Variants in LZTR1 observed in about 807,000 individuals in gnomAD.
The protein encoded by LZTR1 is leucine zipper like post translational regulator 1.
LZTR1 carries 260 observed loss-of-function variants against 105.7 expected under a neutral mutation model. That is an observed-to-expected ratio of 2.46 (90% CI 2.22 to 2.72). The LOEUF is 2.72. Among genes scored for constraint, LZTR1 ranks in the 30% most tolerant of loss-of-function variants. The pLI is 0.00. For missense variants in LZTR1, 1,214 were observed against 1,166.9 expected, an observed-to-expected ratio of 1.04 and a Z score of -0.59; for synonymous variants, 490 against 476.4, an observed-to-expected ratio of 1.03 and a Z score of -0.37.
At position 20,998,447 on chromosome 22, in the gene LZTR1, G is replaced by T. The variant is rs974412515; in HGVS notation, c.*1099G>T. The stretch of plus-strand genomic sequence containing the variant: ...CCATGTGGATCCACTCTAGTGCTGG[G>T]AGCCAGCGCTCCCTTACTGGGAACA... On this transcript the variant is annotated 3_prime_UTR_variant, in exon 21 of 21. Coordinates refer to ENST00000646124, the MANE Select transcript of LZTR1 (RefSeq NM_006767.4). 1 of 152,288 alleles carries T rather than the reference G, an allele frequency of 6.6e-6. No homozygotes were observed. The highest frequency in any genetic ancestry group is 1.5e-5 in the Non-Finnish European group (1 of 68,078). The allele number at this position is 152,288 out of a possible 1,614,324, so 9.4% of individuals were successfully genotyped here. A position where few individuals can be genotyped will look rare whatever the true frequency, so the allele number is the denominator to read the frequency against.
chr22:20,988,122 A>G lies in LZTR1; in HGVS notation c.509+4A>G. 3 of 1,590,910 alleles carry G rather than the reference A, an allele frequency of 1.9e-6. No homozygotes were observed. Among genetic ancestry groups the G allele is most frequent in the Non-Finnish European group, 1.7e-6 (2 of 1,159,076 alleles). Reference sequence around the variant, plus strand: ...CGGAGTGGAAAATTGAAGGACGGTGAGAAACTTTGCAGAAACATTTGGGAC... The same window carrying G: ...CGGAGTGGAAAATTGAAGGACGGTGGGAAACTTTGCAGAAACATTTGGGAC... On this transcript the variant is annotated splice_donor_region_variant and intron_variant, in intron 5 of 20. Transcript: ENST00000646124.
chr22:20,988,027 AT>A lies in LZTR1; in HGVS notation c.421del (p.Tyr141IlefsTer6). The A allele has an allele frequency of 6.2e-7, 1 of 1,607,890 alleles. No homozygotes were observed. Among genetic ancestry groups the A allele is most frequent in the East Asian group, 2.2e-5 (1 of 44,850 alleles). On this transcript the variant is annotated frameshift_variant, in exon 5 of 21. Coordinates refer to ENST00000646124, the MANE Select transcript of LZTR1 (RefSeq NM_006767.4). LOFTEE classifies it high-confidence loss of function. Reference sequence around the variant, plus strand: ...TTACTCAGGGGGTTACACTGGGGACATTTATTCCAATTCTAACTTGAAGAAT... The same window carrying A: ...TTACTCAGGGGGTTACACTGGGGACATTATTCCAATTCTAACTTGAAGAAT... Reference protein sequence around the residue: ...MFVFGGYTGDIYSNSNLKNKN... With the variant: ...MFVFGGYTGDXYSNSNLKNKN...
intron 11 of LZTR1, 42 bp from the exon 12 acceptor site, chr22:20,993,620 C>T: frequency 6.4e-7 from 1 of 1,558,838 alleles, no homozygotes; most frequent in South Asian, 1.1e-5. Context: ...TGGGGCCACC[C>T]TGCTGTCTGC....
At chr22:20,988,939 G>C in intron 6 of LZTR1, 67 bp downstream of exon 6, 1 of 1,372,944 alleles carries the variant, frequency 7.3e-7, no homozygotes, top group Non-Finnish European at 1.0e-6. Context: ...GGCCGTCCTG[G>C]CATTTGAGGG....
In LZTR1 at chr22:20,993,932, G is replaced by C; in HGVS notation, c.1362G>C (p.Glu454Asp). The change falls in exon 13 of 21, where the codon GAG becomes GAC. Residue 454 changes from glutamate to aspartate, a missense_variant. By Grantham distance (45) the Glu-to-Asp change is conservative. Coordinates refer to ENST00000646124, the MANE Select transcript of LZTR1 (RefSeq NM_006767.4). ...DVEFVLGEKEECVQGHVAIVT... is the reference protein window; with the variant it reads ...DVEFVLGEKEDCVQGHVAIVT... The stretch of plus-strand genomic sequence containing the variant: ...CATCATTCTTTGTGCAGAAGGAGGA[G>C]TGCGTGCAGGGCCACGTAGCCATTG... 1 of 1,612,096 alleles carries C rather than the reference G, an allele frequency of 6.2e-7. No individual in the cohort carries two copies. Among genetic ancestry groups the C allele is most frequent in the Non-Finnish European group, 8.5e-7 (1 of 1,179,796 alleles).
rs1924500839 is a variant in LZTR1 at position 20,988,930 on chromosome 22, G to T, written c.593+58G>T. On this transcript the variant is annotated intron_variant, in intron 6 of 20. Transcript: ENST00000646124. ...CCGACAGCACTGAGACCCGGAGCAGGCCGTCCTGGCATTTGAGGGCTTAGG... is the reference window on the plus strand; with the variant it reads ...CCGACAGCACTGAGACCCGGAGCAGTCCGTCCTGGCATTTGAGGGCTTAGG... 6 of 1,485,446 alleles carry T rather than the reference G, an allele frequency of 4.0e-6. No individual in the cohort carries two copies. The East Asian group carries it at 1.4e-4, about 34-fold the overall frequency. 92.0% of individuals were successfully genotyped at this position (1,485,446 alleles called of 1,614,324 possible). A position where few individuals can be genotyped will look rare whatever the true frequency, so the allele number is the denominator to read the frequency against.
chr22:20,985,839 AG>A lies in LZTR1; in HGVS notation c.264del. Reference sequence around the variant, plus strand: ...CCACCCTCTCTTCCGGCTGCCTTTCAGGAAGACCATGCTCAATGACCTCCTG... The same window carrying A: ...CCACCCTCTCTTCCGGCTGCCTTTCAGAAGACCATGCTCAATGACCTCCTG... On this transcript the variant is annotated splice_acceptor_variant, in intron 2 of 20. Coordinates refer to ENST00000646124, the MANE Select transcript of LZTR1 (RefSeq NM_006767.4). LOFTEE classifies it high-confidence loss of function. 1.2e-6 allele frequency: 2 copies of A among 1,614,106 alleles called. No homozygotes were observed. Among genetic ancestry groups the A allele is most frequent in the Non-Finnish European group, 1.7e-6 (2 of 1,179,998 alleles).
rs376411694 is a variant in LZTR1, at chr22:20,994,035, G to A, written c.1449+16G>A. 3.9e-5 allele frequency: 62 copies of A among 1,597,192 alleles called. No individual in the cohort carries two copies. In the East Asian group the frequency reaches 8.6e-4, roughly 22 times the overall value. ...GCTGGCCCAGGTGAGGTGCCTAACC[G>A]CCCTGCCCTGACCTGGCAGCCATGC... On this transcript the variant is annotated intron_variant, in intron 13 of 20. Coordinates refer to ENST00000646124, the MANE Select transcript of LZTR1 (RefSeq NM_006767.4).
chr22:20,984,231 A>C (rs1011561941), intron 2 of LZTR1, among the ~76,000 whole-genome samples: 26 of 152,222 alleles, frequency 1.7e-4, no homozygotes, highest in African/African-American at 6.3e-4. Flanking sequence ...CCATCTCTTC[A>C]GTCAAGGCAG....
At chr22:20,993,390 T>C in intron 11 of LZTR1, 1 of 559,762 alleles carries the variant, frequency 1.8e-6, no homozygotes, top group Non-Finnish European at 3.2e-6. Context: ...AGAGCTCTGC[T>C]GAGGCCTGGG....
At chr22:20,990,562 TCAGTTC>T in intron 8 of LZTR1, 37 bp downstream of exon 8, 2 of 1,571,786 alleles carry the variant, frequency 1.3e-6, no homozygotes, top group Non-Finnish European at 1.7e-6. Context: ...GGGAGGACGG[TCAGTTC>T]CCTCGAATCC....
At chr22:20,990,144 T>C (rs1924549395) in intron 7 of LZTR1, among the ~76,000 whole-genome samples, 1 of 152,142 alleles carries the variant, frequency 6.6e-6, no homozygotes, top group Non-Finnish European at 1.5e-5. Flanking sequence ...CTTCTGGGCA[T>C]GAAAAACATG....
chr22:20,994,368 C>T, intron 14 of LZTR1, 99 bp downstream of exon 14: 1 of 1,391,694 alleles, frequency 7.2e-7, no homozygotes, highest in Non-Finnish European at 9.8e-7. Context: ...CTGATGGGCC[C>T]CCTGAGGCTC....
At position 20,991,797 on chromosome 22, in the gene LZTR1, TGGG is replaced by T; in HGVS notation, c.962_964del (p.Trp321_Glu322delinsTer). 6.4e-7 allele frequency: 1 copy of T among 1,551,648 alleles called. No individual in the cohort carries two copies. The highest frequency in any genetic ancestry group is 2.0e-5 in the Admixed American group (1 of 51,056). ...CTGCTATGACGTGGACTTCCAGACC[TGGG>T]AGGTCGTCCAGCCCAGCTCCGACAG... On this transcript the variant is annotated stop_gained and inframe_deletion, in exon 9 of 21. Coordinates refer to ENST00000646124, the MANE Select transcript of LZTR1 (RefSeq NM_006767.4). LOFTEE classifies it high-confidence loss of function.
At chr22:20,997,188 A>C (rs773569894) in intron 20 of LZTR1, 44 bp from the exon 21 acceptor site, 3 of 1,345,172 alleles carry the variant, frequency 2.2e-6, no homozygotes, top group Non-Finnish European at 3.2e-6. Flanking sequence ...CATGGCCCTT[A>C]GGTGGATCTG....
In LZTR1 at chr22:20,996,963, C is replaced by T. The variant is rs1924880202; in HGVS notation, c.2403C>T (p.Thr801=). The T allele has an allele frequency of 1.9e-6, 3 of 1,613,674 alleles. No homozygotes were observed. Among genetic ancestry groups the T allele is most frequent in the Non-Finnish European group, 2.5e-6 (3 of 1,179,942 alleles). Residue 801 remains threonine (T), a synonymous_variant, in exon 20 of 21, where the codon ACC becomes ACT. Coordinates refer to ENST00000646124, the MANE Select transcript of LZTR1 (RefSeq NM_006767.4). ...HCLHIIVHQF[T]KVSKLPTLRS... ...TGCACATCATTGTGCACCAGTTCACCAAGGTCAGGGCTCTGGCCTCCCCTT... is the reference window on the plus strand; with the variant it reads ...TGCACATCATTGTGCACCAGTTCACTAAGGTCAGGGCTCTGGCCTCCCCTT...
In LZTR1 at chr22:20,997,824, C is replaced by T. The variant is rs551718017; in HGVS notation, c.*476C>T. On this transcript the variant is annotated 3_prime_UTR_variant, in exon 21 of 21. Coordinates refer to ENST00000646124, the MANE Select transcript of LZTR1 (RefSeq NM_006767.4). ...CCTGGGCTGCTCCTGTCCCACCCAC[C>T]CTCACTGAGATCCATGTAAGGGGCT... is the stretch of plus-strand genomic sequence containing the variant. 2 of 158,708 alleles carry T rather than the reference C, an allele frequency of 1.3e-5. No individual in the cohort carries two copies. Among genetic ancestry groups the T allele is most frequent in the African/African-American group, 4.8e-5 (2 of 41,604 alleles). 9.8% of individuals were successfully genotyped at this position (158,708 alleles called of 1,614,324 possible). A position where few individuals can be genotyped will look rare whatever the true frequency, so the allele number is the denominator to read the frequency against.
chr22:20,994,036 C>T lies in LZTR1; in HGVS notation c.1449+17C>T. 1 of 1,597,846 alleles carries T rather than the reference C, an allele frequency of 6.3e-7. No individual in the cohort carries two copies. Among genetic ancestry groups the T allele is most frequent in the Non-Finnish European group, 8.5e-7 (1 of 1,173,962 alleles). On this transcript the variant is annotated intron_variant, in intron 13 of 20. Transcript: ENST00000646124. ...CTGGCCCAGGTGAGGTGCCTAACCG[C>T]CCTGCCCTGACCTGGCAGCCATGCC...
At chr22:20,987,457 T>C (rs1924431418) in intron 3 of LZTR1, 47 bp from the exon 4 acceptor site, 1 of 1,111,726 alleles carries the variant, frequency 9.0e-7, no homozygotes, top group Admixed American at 1.7e-5. Context: ...GGTGTGGACC[T>C]CATGGGTGAC....
Sources: allele counts gnomAD v4.1 joint callset (sites outside exome capture counted in the v4.1 genomes callset), GRCh38; gene constraint gnomAD v4.1.1; transcripts MANE v1.5; gene names NCBI Gene and HGNC (gene_info 2026-07-23, HGNC 2026-07-21).